HOOK1: variants seen among roughly 807,000 people sequenced by gnomAD.
HOOK1 encodes protein Hook homolog 1.
Under a neutral mutation model 112.8 loss-of-function variants are expected in HOOK1, and 60 were observed. The observed-to-expected ratio is 0.53, with a 90% CI of 0.43 to 0.66. The LOEUF is 0.66. Among genes scored for constraint, HOOK1 ranks in the 30% least tolerant of loss-of-function variants. The pLI is 0.00. For missense variants in HOOK1, 770 were observed against 856.0 expected (o/e 0.90, Z 1.25); for synonymous variants, 294 against 283.8 (o/e 1.04, Z -0.36).
Position 59,836,990 on chromosome 1 carries a change from C to A in HOOK1, c.537+55C>A. The A allele has an allele frequency of 3.7e-6, 4 of 1,079,352 alleles. No homozygotes were observed. The South Asian group carries it at 4.2e-5, about 11-fold the overall frequency. The allele number at this position is 1,079,352 out of a possible 1,614,324, so 66.9% of individuals were successfully genotyped here. On this transcript the variant is annotated intron_variant, in intron 7 of 21. Coordinates refer to ENST00000371208, the MANE Select transcript of HOOK1 (RefSeq NM_015888.6). ...TGAAAGCAATGTTAGGGTTTCTTTGCCAATTACTCTCATAAGGCTTACAAA... is the reference window on the plus strand; with the variant it reads ...TGAAAGCAATGTTAGGGTTTCTTTGACAATTACTCTCATAAGGCTTACAAA...
intron 19 of HOOK1, among the ~76,000 whole-genome samples, chr1:59,867,334 A>G (rs1022772313): frequency 3.3e-5 from 5 of 152,312 alleles, no homozygotes; most frequent in African/African-American, 1.2e-4. Flanking sequence ...GGTAGGCACC[A>G]TGTCTCCAAT....
In HOOK1 at chr1:59,841,195, A is replaced by G. The variant is rs904752086; in HGVS notation, c.621+804A>G. The stretch of plus-strand genomic sequence containing the variant: ...AAAATACAAATGTGCATATTATGCA[A>G]TTAGTCTAGAAAAAGGTGTACAGAA... On this transcript the variant is annotated intron_variant, in intron 8 of 21. Transcript: ENST00000371208. Among the ~76,000 whole-genome samples, 7 of 152,166 alleles carry G rather than the reference A, an allele frequency of 4.6e-5. No homozygotes were observed. The South Asian group carries it at 6.2e-4, about 14-fold the overall frequency.
At position 59,848,299 on chromosome 1, in the gene HOOK1, G is replaced by C. The variant is rs1383076128; in HGVS notation, c.930-16G>C. The C allele has an allele frequency of 2.5e-6, 4 of 1,588,206 alleles. No homozygotes were observed. Among genetic ancestry groups the C allele is most frequent in the African/African-American group, 1.3e-5 (1 of 74,220 alleles). On this transcript the variant is annotated splice_polypyrimidine_tract_variant and intron_variant, in intron 10 of 21. Coordinates refer to ENST00000371208, the MANE Select transcript of HOOK1 (RefSeq NM_015888.6). ...ACTAGTTTTTGTACAGTAATGCTTAGTCTTTATGATTATAGGGCTACCTCT... is the reference window on the plus strand; with the variant it reads ...ACTAGTTTTTGTACAGTAATGCTTACTCTTTATGATTATAGGGCTACCTCT...
Position 59,833,497 on chromosome 1 carries a change from G to A in HOOK1, c.366G>A (p.Gln122=), listed in dbSNP as rs1482683812. The change falls in exon 5 of 22, where the codon CAG becomes CAA. Residue 122 remains glutamine (Q), a synonymous_variant. Transcript: ENST00000371208. ...CAGTGGAGCTTGGGAGGTTGCTCCA[G>A]CTTATTTTAGGTTGTGCGATCAACT... ...SDPVELGRLL[Q]LILGCAINCE... 1 of 1,591,246 alleles carries A rather than the reference G, an allele frequency of 6.3e-7. No individual in the cohort carries two copies. The highest frequency in any genetic ancestry group is 2.2e-5 in the East Asian group (1 of 44,528).
At position 59,822,068 on chromosome 1, in the gene HOOK1, A is replaced by G. The variant is rs977341868; in HGVS notation, c.149+125A>G. Reference sequence around the variant, plus strand: ...CTTACCCAGTGACATATTCAGGAATATGGCACCAAGGCATTCTTGCAGGTA... The same window carrying G: ...CTTACCCAGTGACATATTCAGGAATGTGGCACCAAGGCATTCTTGCAGGTA... On this transcript the variant is annotated intron_variant, in intron 2 of 21. Coordinates refer to ENST00000371208, the MANE Select transcript of HOOK1 (RefSeq NM_015888.6). 7.4e-5 allele frequency: 55 copies of G among 740,234 alleles called. No homozygotes were observed. The African/African-American group carries it at 8.9e-4, about 12-fold the overall frequency. The allele number at this position is 740,234 out of a possible 1,614,324, so 45.9% of individuals were successfully genotyped here.
In HOOK1 at chr1:59,874,915, G is replaced by T. The variant is rs1358914858; in HGVS notation, c.*1950G>T. The T allele has an allele frequency of 6.6e-6, 1 of 152,482 alleles. No individual in the cohort carries two copies. Among genetic ancestry groups the T allele is most frequent in the East Asian group, 1.9e-4 (1 of 5,196 alleles). The allele number at this position is 152,482 out of a possible 1,614,324, so 9.4% of individuals were successfully genotyped here. On this transcript the variant is annotated 3_prime_UTR_variant, in exon 22 of 22. Coordinates refer to ENST00000371208, the MANE Select transcript of HOOK1 (RefSeq NM_015888.6). ...TGTCAGGATATGTTGTTCTATCAGG[G>T]TTACTTCTGTTGACTACCTCTTAGA...
chr1:59,818,831 G>A (rs1240714768), intron 1 of HOOK1, among the ~76,000 whole-genome samples: 1 of 152,064 alleles, frequency 6.6e-6, no homozygotes, highest in Non-Finnish European at 1.5e-5. Flanking sequence ...TGGAGGAGGA[G>A]AATATGAAAA....
At chr1:59,868,407 A>C in intron 20 of HOOK1, 56 bp downstream of exon 20, 1 of 974,566 alleles carries the variant, frequency 1.0e-6, no homozygotes, top group Non-Finnish European at 1.6e-6. Context: ...CTGGTAATTA[A>C]CTGCTGTCAT....
intron 13 of HOOK1, 37 bp from the exon 14 acceptor site, chr1:59,858,948 A>C (rs1176838763): frequency 7.9e-7 from 1 of 1,259,260 alleles, no homozygotes. Flanking sequence ...AATAGTTGAA[A>C]TACTGAAATG....
intron 9 of HOOK1, among the ~76,000 whole-genome samples, chr1:59,846,346 C>T (rs1435824333): frequency 6.6e-6 from 1 of 151,600 alleles, no homozygotes; most frequent in African/African-American, 2.4e-5. Flanking sequence ...AGAGGTTCAT[C>T]AGTTTTCTTA....
chr1:59,850,825 A>C (rs974626097), intron 12 of HOOK1, among the ~76,000 whole-genome samples: 1 of 151,542 alleles, frequency 6.6e-6, no homozygotes, highest in African/African-American at 2.4e-5. Context: ...CAAATGCAAG[A>C]TAGTAATAAT....
Position 59,828,817 on chromosome 1 carries a change from A to G in HOOK1, c.187A>G (p.Ile63Val). Residue 63 changes from isoleucine (I) to valine (V), a missense_variant, in exon 3 of 22, where the codon ATT (isoleucine) becomes GTT (valine). Physicochemically the swap from Ile to Val is conservative, Grantham distance 29. Coordinates refer to ENST00000371208, the MANE Select transcript of HOOK1 (RefSeq NM_015888.6). ...GTTTAACGAATCTTGGTTAAGCCGA[A>G]TTAAAGAGGATGTTGGGGACAACTG... Reference protein sequence around the residue: ...AWFNESWLSRIKEDVGDNWRI... With the variant: ...AWFNESWLSRVKEDVGDNWRI... 6.2e-7 allele frequency: 1 copy of G among 1,613,474 alleles called. No individual in the cohort carries two copies.
intron 2 of HOOK1, among the ~76,000 whole-genome samples, chr1:59,826,854 C>T (rs2098390330): frequency 6.6e-6 from 1 of 152,216 alleles, no homozygotes; most frequent in African/African-American, 2.4e-5. Flanking sequence ...CTTCTGTCTC[C>T]TGAGTTCAAG....
At chr1:59,862,173 C>A (rs1220821923) in intron 15 of HOOK1, among the ~76,000 whole-genome samples, 2 of 152,102 alleles carry the variant, frequency 1.3e-5, no homozygotes, top group African/African-American at 4.8e-5. Flanking sequence ...ATAACTGCAA[C>A]AGTGGAATAT....
At chr1:59,836,847 T>C (rs369275025) in intron 6 of HOOK1, 26 bp from the exon 7 acceptor site, 65 of 1,277,452 alleles carry the variant, frequency 5.1e-5, no homozygotes, top group Middle Eastern at 2.0e-4. Flanking sequence ...ATTGTTATAC[T>C]TAATTTTATT....
At position 59,849,124 on chromosome 1, in the gene HOOK1, C is replaced by G. The variant is rs1373524490; in HGVS notation, c.1183C>G (p.Leu395Val). The G allele has an allele frequency of 1.2e-6, 2 of 1,609,694 alleles. No homozygotes were observed. The highest frequency in any genetic ancestry group is 4.5e-5 in the East Asian group (2 of 44,732). Residue 395 changes from leucine to valine, a missense_variant, in exon 12 of 22, where the codon CTA becomes GTA. Around this residue, in one of 3 missense-constraint regions of HOOK1, gnomAD observed 655 missense variants for 725.9 expected, o/e 0.90. Coordinates refer to ENST00000371208, the MANE Select transcript of HOOK1 (RefSeq NM_015888.6). ...LSSESKRADT[L>V]AFEMKRLEEK... ...CTCCGAATCCAAGAGGGCAGACACA[C>G]TAGCGTTTGAAATGAAGCGGCTTGA...
chr1:59,848,549 T>C, intron 11 of HOOK1, 33 bp downstream of exon 11: 3 of 1,459,044 alleles, frequency 2.1e-6, no homozygotes, highest in Non-Finnish European at 1.9e-6. Context: ...ATTGATAAAA[T>C]TGTAAGAGTT....
At chr1:59,828,411 G>A (rs2098391475) in intron 2 of HOOK1, among the ~76,000 whole-genome samples, 1 of 152,080 alleles carries the variant, frequency 6.6e-6, no homozygotes, top group African/African-American at 2.4e-5. Context: ...AGTAAGACTG[G>A]AAATAATAAT....
At position 59,860,279 on chromosome 1, in the gene HOOK1, C is replaced by G; in HGVS notation, c.1483C>G (p.Gln495Glu). The G allele has an allele frequency of 6.2e-7, 1 of 1,609,468 alleles. No individual in the cohort carries two copies. The highest frequency in any genetic ancestry group is 8.5e-7 in the Non-Finnish European group (1 of 1,177,380). The change falls in exon 15 of 22, where the codon CAG becomes GAG. Residue 495 changes from glutamine (Q) to glutamate (E), a missense_variant. Transcript: ENST00000371208. ...ENERIEELQE[Q>E]LEQKHRKMNE... The stretch of plus-strand genomic sequence containing the variant: ...TGAACGTATTGAGGAACTTCAGGAG[C>G]AGCTAGAACAGAAACACCGTAAAAT...
Sources: gnomAD v4.1 joint callset for allele counts (sites outside exome capture counted in the v4.1 genomes callset) on GRCh38, gnomAD v4.1.1 for gene constraint, gnomAD v4.1.1 regional missense constraint, MANE v1.5 for transcripts, NCBI Gene and HGNC (gene_info 2026-07-23, HGNC 2026-07-21) for gene names.